Variants in LAMA1 observed in about 807,000 individuals in gnomAD.
The protein encoded by LAMA1 is laminin subunit alpha-1.
A neutral mutation model predicts 348.7 loss-of-function variants in LAMA1; 219 were observed. The ratio of observed to expected loss-of-function variants is 0.63; its 90% CI spans 0.56 to 0.70. The LOEUF is 0.70. Ranked by LOEUF, LAMA1 falls within the 30% of genes least tolerant of loss-of-function variation. The probability of loss-of-function intolerance (pLI) is 0.00; values close to 1 mark genes in which losing one functional copy is unlikely to be tolerated. For synonymous variants in LAMA1, 1,487 were observed against 1,491.0 expected (o/e 1.00, Z 0.06); for missense variants, 3,744 against 3,888.0 (o/e 0.96, Z 0.99).
intron 1 of LAMA1, among the ~76,000 whole-genome samples, chr18:7,108,640 C>CA (rs58802341): frequency 0.017 from 700 of 40,186 alleles, 146 homozygotes; most frequent in African/African-American, 0.051. Context: ...GACTCTGTCT[C>CA]AAAAAAAAAA....
At chr18:7,098,648 A>T (rs1198795000) in intron 1 of LAMA1, among the ~76,000 whole-genome samples, 1 of 132,668 alleles carries the variant, frequency 7.5e-6, no homozygotes, top group Non-Finnish European at 1.6e-5. Context: ...AGCCTCTCCG[A>T]CCGGCAGCCA....
At chr18:7,033,463 A>AAAAT in intron 14 of LAMA1, among the ~76,000 whole-genome samples, 1 of 151,958 alleles carries the variant, frequency 6.6e-6, no homozygotes, top group Non-Finnish European at 1.5e-5. Context: ...CTCAAAAAAA[A>AAAAT]AAAAAAAGAC....
In LAMA1 at chr18:6,983,215, T is replaced by G. The variant is rs2057720051; in HGVS notation, c.5680A>C (p.Asn1894His). The part of the protein sequence containing the change: ...VLYSGLENIR[N>H]VSLNATSAAY... The stretch of plus-strand genomic sequence containing the variant: ...GCACTGGTGGCATTCAGGGACACAT[T>G]TCTGATGTTTTCAAGGCCACTATCA... Residue 1894 changes from asparagine to histidine, a missense_variant, in exon 40 of 63, where the codon AAT (asparagine) becomes CAT (histidine). Physicochemically the swap from Asn to His is moderately conservative, Grantham distance 68. This residue lies in a region of LAMA1 where 1,983 missense variants were observed against 1,934.3 expected (regional missense o/e 1.03). Coordinates refer to ENST00000389658, the MANE Select transcript of LAMA1 (RefSeq NM_005559.4). 1.9e-6 allele frequency: 3 copies of G among 1,614,050 alleles called. No individual in the cohort carries two copies. The South Asian group carries it at 3.3e-5, about 18-fold the overall frequency.
intron 19 of LAMA1, among the ~76,000 whole-genome samples, chr18:7,020,602 T>C (rs112015032): frequency 0.014 from 2,072 of 152,204 alleles, 40 homozygotes; most frequent in African/African-American, 0.047. Flanking sequence ...ATAAAAGCTG[T>C]TAAGTGTTCA....
In LAMA1 at chr18:7,038,880, C is replaced by CG. The variant is rs748025362; in HGVS notation, c.1492dup (p.Arg498ProfsTer13). The CG allele has an allele frequency of 1.2e-6, 2 of 1,614,138 alleles. No homozygotes were observed. The highest frequency in any genetic ancestry group is 1.7e-6 in the Non-Finnish European group (2 of 1,180,008). ...AAAGCAGAAGCACTCGGAGCAGCCC[C>CG]GGGGGTTTTTTTCCTTCAAGTTATA... is the stretch of plus-strand genomic sequence containing the variant. On this transcript the variant is annotated frameshift_variant, in exon 11 of 63. Coordinates refer to ENST00000389658, the MANE Select transcript of LAMA1 (RefSeq NM_005559.4). LOFTEE classifies it high-confidence loss of function.
intron 62 of LAMA1, 34 bp from the exon 63 acceptor site, chr18:6,942,273 T>C (rs369188284): frequency 3.7e-6 from 6 of 1,611,668 alleles, no homozygotes; most frequent in Non-Finnish European, 4.2e-6. Context: ...AAATCTTGCT[T>C]AATTTTGTTG....
chr18:7,084,515 T>C (rs984120812), intron 1 of LAMA1, among the ~76,000 whole-genome samples: 1 of 152,228 alleles, frequency 6.6e-6, no homozygotes, highest in African/African-American at 2.4e-5. Context: ...ACTGTTACTG[T>C]GATACTAATT....
intron 1 of LAMA1, among the ~76,000 whole-genome samples, chr18:7,098,714 AG>A: frequency 7.1e-6 from 1 of 140,968 alleles, no homozygotes; most frequent in Non-Finnish European, 1.5e-5. Context: ...TCCGGGAGGG[AG>A]GTGGGGGGGT....
chr18:7,079,844 C>T (rs1029460826), intron 3 of LAMA1, 131 bp downstream of exon 3: 13 of 733,914 alleles, frequency 1.8e-5, no homozygotes, highest in Non-Finnish European at 2.4e-5. Flanking sequence ...TACCACTTGC[C>T]TTCACCTGGT....
chr18:6,997,890 A>T lies in LAMA1; in HGVS notation c.4664-6T>A, dbSNP rs1434156761. 7.4e-6 allele frequency: 12 copies of T among 1,613,760 alleles called. No individual in the cohort carries two copies. The highest frequency in any genetic ancestry group is 1.0e-5 in the Non-Finnish European group (12 of 1,179,998). On this transcript the variant is annotated splice_region_variant and splice_polypyrimidine_tract_variant and intron_variant, in intron 32 of 62. Transcript: ENST00000389658. Reference sequence around the variant, plus strand: ...TACACACTCATCATCACAGGCTACAAGACAAATTTTTAAAAAGGAGAGTTA... The same window carrying T: ...TACACACTCATCATCACAGGCTACATGACAAATTTTTAAAAAGGAGAGTTA...
intron 45 of LAMA1, 64 bp from the exon 46 acceptor site, chr18:6,975,100 A>C: frequency 6.4e-7 from 1 of 1,558,958 alleles, no homozygotes; most frequent in Non-Finnish European, 8.7e-7. Flanking sequence ...CCACCACAAC[A>C]CTTTACAGAG....
chr18:7,109,716 A>T (rs1435465293), intron 1 of LAMA1, among the ~76,000 whole-genome samples: 4 of 152,182 alleles, frequency 2.6e-5, no homozygotes, highest in South Asian at 4.1e-4. Context: ...AGCTACAGAA[A>T]GGTGTGGAGA....
chr18:7,063,095 A>G (rs774034436), intron 3 of LAMA1, among the ~76,000 whole-genome samples: 1 of 152,216 alleles, frequency 6.6e-6, no homozygotes, highest in Non-Finnish European at 1.5e-5. Flanking sequence ...TACAACACCC[A>G]GAAACAATAA....
chr18:7,033,440 AG>A (rs1413025083), intron 14 of LAMA1, among the ~76,000 whole-genome samples: 1 of 141,250 alleles, frequency 7.1e-6, no homozygotes, highest in African/African-American at 2.8e-5. Context: ...TGGGTGATAG[AG>A]GGAGACTCTG....
At chr18:7,011,860 C>A (rs1310738217) in intron 24 of LAMA1, 135 bp downstream of exon 24, 8 of 1,086,816 alleles carry the variant, frequency 7.4e-6, no homozygotes, top group African/African-American at 1.6e-5. Flanking sequence ...CTGTTCTAAC[C>A]CAAATTAGCT....
At chr18:7,112,755 G>A (rs929399967) in intron 1 of LAMA1, among the ~76,000 whole-genome samples, 68 of 151,726 alleles carry the variant, frequency 4.5e-4, no homozygotes, top group African/African-American at 1.6e-3. Context: ...TCCTGCCTCA[G>A]CCTCCTGAGT....
At chr18:7,093,514 C>A (rs1360460552) in intron 1 of LAMA1, among the ~76,000 whole-genome samples, 1 of 152,098 alleles carries the variant, frequency 6.6e-6, no homozygotes, top group Non-Finnish European at 1.5e-5. Context: ...ATCAATACAG[C>A]ACCTTCCACT....
In LAMA1 at chr18:6,942,063, G is replaced by GGAT. The variant is rs2057500697; in HGVS notation, c.*13_*15dup. 6.2e-7 allele frequency: 1 copy of GGAT among 1,613,882 alleles called. No individual in the cohort carries two copies. The highest frequency in any genetic ancestry group is 1.3e-5 in the African/African-American group (1 of 75,040). On this transcript the variant is annotated 3_prime_UTR_variant, in exon 63 of 63. Transcript: ENST00000389658. The stretch of plus-strand genomic sequence containing the variant: ...AAATATTAGCAATGATTCCAACTGA[G>GGAT]GATTCTGCTTGAAGTTCAGGACTCG...
chr18:6,993,862 A>G, intron 34 of LAMA1, 110 bp from the exon 35 acceptor site: 1 of 739,036 alleles, frequency 1.4e-6, no homozygotes, highest in Non-Finnish European at 2.5e-6. Context: ...GCAACAACAT[A>G]TATTCCAGAA....
Sources: allele counts gnomAD v4.1 joint callset (sites outside exome capture counted in the v4.1 genomes callset), GRCh38; gene constraint gnomAD v4.1.1; regional missense constraint gnomAD v4.1.1; transcripts MANE v1.5; gene names NCBI Gene and HGNC (gene_info 2026-07-23, HGNC 2026-07-21).